The following SLC12A7 variants were observed in gnomAD, a reference collection of about 807,000 sequenced individuals.
The protein encoded by SLC12A7 is K-Cl cotransporter 4.
A neutral mutation model predicts 120.6 loss-of-function variants in SLC12A7; 100 were observed. That is an observed-to-expected ratio of 0.83 (90% CI 0.71 to 0.98). The LOEUF (loss-of-function observed/expected upper bound fraction) is 0.98, where lower values mean the gene tolerates loss of function less well. SLC12A7 is among the 50% of genes least tolerant of loss of function. SLC12A7 has a pLI of 0.00. For synonymous variants in SLC12A7, 760 were observed against 678.0 expected, an observed-to-expected ratio of 1.12 and a Z score of -1.88; for missense variants, 1,373 against 1,548.1, an observed-to-expected ratio of 0.89 and a Z score of 1.90.
At chr5:1,074,454 C>T in intron 16 of SLC12A7, 113 bp downstream of exon 16, 1 of 976,978 alleles carries the variant, frequency 1.0e-6, no homozygotes, top group South Asian at 1.6e-5. Context: ...CAGACCTTGC[C>T]TGAGCGGCTG....
chr5:1,095,057 G>A (rs1245677323), intron 1 of SLC12A7, among the ~76,000 whole-genome samples: 3 of 129,630 alleles, frequency 2.3e-5, no homozygotes, highest in East Asian at 2.2e-4. Context: ...AGGCGGGGCC[G>A]GTAGGAGGTG....
rs903771045 is a variant in SLC12A7 at position 1,050,504 on chromosome 5, G to T, written c.*1856C>A. The T allele has an allele frequency of 8.7e-6, 2 of 229,126 alleles. No individual in the cohort carries two copies. Among genetic ancestry groups the T allele is most frequent in the African/African-American group, 4.5e-5 (2 of 44,396 alleles). 14.2% of individuals were successfully genotyped at this position (229,126 alleles called of 1,614,324 possible). A position where few individuals can be genotyped will look rare whatever the true frequency, so the allele number is the denominator to read the frequency against. On this transcript the variant is annotated 3_prime_UTR_variant, in exon 24 of 24. Coordinates refer to ENST00000264930, the MANE Select transcript of SLC12A7 (RefSeq NM_006598.3). ...GTTACACGGAGTTGACAACACAAAG[G>T]ATGCCTGGTGCTTGCGTGCAGAGGC...
intron 17 of SLC12A7, among the ~76,000 whole-genome samples, chr5:1,067,345 T>C (rs986944541): frequency 3.3e-5 from 5 of 152,230 alleles, no homozygotes; most frequent in African/African-American, 4.8e-5. Flanking sequence ...CAGCCGTCTC[T>C]GGGCAGGAAG....
At position 1,073,815 on chromosome 5, in the gene SLC12A7, G is replaced by C. The variant is rs750608749; in HGVS notation, c.2073-14C>G. 7.2e-7 allele frequency: 1 copy of C among 1,398,494 alleles called. No individual in the cohort carries two copies. The highest frequency in any genetic ancestry group is 9.4e-7 in the Non-Finnish European group (1 of 1,067,882). The allele number at this position is 1,398,494 out of a possible 1,614,324, so 86.6% of individuals were successfully genotyped here. A position where few individuals can be genotyped will look rare whatever the true frequency, so the allele number is the denominator to read the frequency against. On this transcript the variant is annotated splice_polypyrimidine_tract_variant and intron_variant, in intron 16 of 23. Coordinates refer to ENST00000264930, the MANE Select transcript of SLC12A7 (RefSeq NM_006598.3). Reference sequence around the variant, plus strand: ...AGCACCTGGGGCCTGCAGCCAGGGTGGGGCGGCTGTTACCACGGCAACGCT... The same window carrying C: ...AGCACCTGGGGCCTGCAGCCAGGGTCGGGCGGCTGTTACCACGGCAACGCT...
chr5:1,151,653 C>T, the SLC12A7 span, among the ~76,000 whole-genome samples: 1 of 152,028 alleles, frequency 6.6e-6, no homozygotes, highest in Non-Finnish European at 1.5e-5. This position sits in a 1 kb window ranked among gnomAD's most constrained non-coding sequence, Gnocchi z 6.2. Context: ...GCTGAGGGAC[C>T]CTGAGTTCCA....
chr5:1,073,677 C>T lies in SLC12A7; in HGVS notation c.2197G>A (p.Gly733Arg), dbSNP rs760966556. ...TCCATGTGCTTGTCCAGGTACGTCC[C>T]CTCCAGCACCGAGCCCACGATGGTC... ...GLTIVGSVLEGTYLDKHMEAQ... is the reference protein window; with the variant it reads ...GLTIVGSVLERTYLDKHMEAQ... The change falls in exon 17 of 24, where the codon GGG (glycine) becomes AGG (arginine). Residue 733 changes from glycine to arginine, a missense_variant. Physicochemically the swap from Gly to Arg is moderately radical, Grantham distance 125. Transcript: ENST00000264930. 2.2e-5 allele frequency: 36 copies of T among 1,600,210 alleles called. No individual in the cohort carries two copies. Among genetic ancestry groups the T allele is most frequent in the Non-Finnish European group, 3.1e-5 (36 of 1,173,890 alleles).
intron 9 of SLC12A7, among the ~76,000 whole-genome samples, chr5:1,080,724 G>A (rs1250226663): frequency 1.3e-5 from 2 of 152,216 alleles, no homozygotes; most frequent in Non-Finnish European, 2.9e-5. Context: ...ACCCACCGCC[G>A]GAACAAGGCC....
At chr5:1,154,142 G>A in the SLC12A7 span, among the ~76,000 whole-genome samples, 1 of 150,868 alleles carries the variant, frequency 6.6e-6, no homozygotes, top group East Asian at 2.0e-4. Flanking sequence ...ACAGGAACAA[G>A]TGTCCCGTCC....
intron 22 of SLC12A7, 142 bp from the exon 23 acceptor site, chr5:1,053,624 T>A (rs1735291261): frequency 8.7e-7 from 1 of 1,155,028 alleles, no homozygotes; most frequent in Non-Finnish European, 1.2e-6. Context: ...TCTCTGACCC[T>A]GAAGGATGCA....
intron 9 of SLC12A7, among the ~76,000 whole-genome samples, chr5:1,080,121 C>T (rs957957168): frequency 6.6e-5 from 10 of 151,984 alleles, no homozygotes; most frequent in South Asian, 2.1e-4. Flanking sequence ...TCCAGTGCCG[C>T]GGAGACACCC....
intron 1 of SLC12A7, among the ~76,000 whole-genome samples, chr5:1,098,928 C>T (rs567035567): frequency 2.2e-4 from 33 of 152,080 alleles, no homozygotes; most frequent in Admixed American, 1.2e-3. Flanking sequence ...TAGAGCCACT[C>T]GCCTGGGATA....
intron 1 of SLC12A7, among the ~76,000 whole-genome samples, chr5:1,108,994 A>C (rs1742782135): frequency 6.6e-6 from 1 of 152,202 alleles, no homozygotes; most frequent in Non-Finnish European, 1.5e-5. Context: ...GTGGCGCCCA[A>C]GCCAGGAAGA....
the SLC12A7 span, among the ~76,000 whole-genome samples, chr5:1,143,003 A>C: frequency 1.3e-5 from 2 of 151,080 alleles, no homozygotes; most frequent in African/African-American, 4.8e-5. Context: ...GGGGGCTGAG[A>C]GGCGGCCAAA....
chr5:1,091,403 C>A (rs1740481640), intron 3 of SLC12A7, among the ~76,000 whole-genome samples: 1 of 152,214 alleles, frequency 6.6e-6, no homozygotes, highest in African/African-American at 2.4e-5. Context: ...GGTGCCTGAG[C>A]CCAGCCGAGC....
chr5:1,116,229 C>A (rs1162870481), upstream of SLC12A7, among the ~76,000 whole-genome samples: 1 of 152,218 alleles, frequency 6.6e-6, no homozygotes, highest in Non-Finnish European at 1.5e-5. Context: ...AAGGGTTCTG[C>A]AAACAATGCC....
At chr5:1,104,897 G>A (rs1742362147) in intron 1 of SLC12A7, among the ~76,000 whole-genome samples, 1 of 152,254 alleles carries the variant, frequency 6.6e-6, no homozygotes, top group African/African-American at 2.4e-5. Flanking sequence ...CGGACCCCGA[G>A]ACCCCTGCAA....
At chr5:1,057,720 C>T in intron 21 of SLC12A7, 71 bp from the exon 22 acceptor site, 3 of 1,455,726 alleles carry the variant, frequency 2.1e-6, no homozygotes, top group South Asian at 1.3e-5. Flanking sequence ...CCCGGGATGC[C>T]AGGCCGGAGG....
At chr5:1,138,558 TCTGTTTCTG>T in the SLC12A7 span, among the ~76,000 whole-genome samples, 2 of 152,230 alleles carry the variant, frequency 1.3e-5, no homozygotes, top group Non-Finnish European at 1.5e-5. Flanking sequence ...TCTCTCCTCG[TCTGTTTCTG>T]ATTTGCCAGT....
Position 1,057,693 on chromosome 5 carries a change from C to A in SLC12A7, c.2848-44G>T, listed in dbSNP as rs749679158. On this transcript the variant is annotated intron_variant, in intron 21 of 23. Coordinates refer to ENST00000264930, the MANE Select transcript of SLC12A7 (RefSeq NM_006598.3). ...GGTGAGACCAGCCGGTCTCAAAACT[C>A]CTCTGGGCGAGAGCGACCCGGGATG... is the stretch of plus-strand genomic sequence containing the variant. 3.9e-6 allele frequency: 6 copies of A among 1,553,550 alleles called. No individual in the cohort carries two copies. The South Asian group carries it at 5.9e-5, about 15-fold the overall frequency.
Sources: allele counts gnomAD v4.1 joint callset (sites outside exome capture counted in the v4.1 genomes callset), GRCh38; gene constraint gnomAD v4.1.1; non-coding constraint Gnocchi (gnomAD v3.1); transcripts MANE v1.5; gene names NCBI Gene and HGNC (gene_info 2026-07-23, HGNC 2026-07-21).